The following GCNA variants were observed in gnomAD, a reference collection of about 807,000 sequenced individuals.
GCNA encodes the protein germ cell nuclear acidic peptidase.
Under a neutral mutation model 38.8 loss-of-function variants are expected in GCNA, and 3 were observed. The observed-to-expected ratio is 0.08, with a 90% confidence interval of 0.04 to 0.20. The LOEUF is 0.20. Ranked by LOEUF, GCNA falls within the 10% of genes least tolerant of loss-of-function variation. GCNA has a pLI of 1.00. For synonymous variants in GCNA, 195 were observed against 240.2 expected (o/e 0.81, Z 1.74); for missense variants, 446 against 578.6 (o/e 0.77, Z 2.35).
intron 7 of GCNA, among the ~76,000 whole-genome samples, chrX:71,599,521 G>A (rs2040697260): frequency 8.9e-6 from 1 of 112,149 alleles, no homozygotes; most frequent in Non-Finnish European, 1.9e-5. Context: ...TTCTTTTGAG[G>A]GTGAACTTTT....
In GCNA at chrX:71,580,899, T is replaced by C; in HGVS notation, c.59+19T>C. The C allele has an allele frequency of 4.2e-6, 5 of 1,181,580 alleles. No homozygotes were observed. The highest frequency in any genetic ancestry group is 5.7e-6 in the Non-Finnish European group (5 of 878,009). ...AGGATTGGTGAGATTTAGAAAGTTC[T>C]GTTTTCTTTTAGTTTAGTGTTACCG... On this transcript the variant is annotated intron_variant, in intron 2 of 12. Coordinates refer to ENST00000373696, the MANE Select transcript of GCNA (RefSeq NM_052957.5).
At chrX:71,595,061 T>A (rs1281466371) in intron 6 of GCNA, among the ~76,000 whole-genome samples, 2 of 110,720 alleles carry the variant, frequency 1.8e-5, no homozygotes, top group Non-Finnish European at 3.8e-5. Flanking sequence ...CTAAGCCCTT[T>A]TTGGTGTTTG....
chrX:71,578,741 CAT>C (rs1449124581), intron 1 of GCNA, among the ~76,000 whole-genome samples: 75 of 105,856 alleles, frequency 7.1e-4, no homozygotes, highest in Admixed American at 1.1e-3. Flanking sequence ...GTGTAGGAAA[CAT>C]ATGGTGGCGC....
intron 2 of GCNA, among the ~76,000 whole-genome samples, chrX:71,585,409 G>A (rs143091369): frequency 9.0e-6 from 1 of 111,393 alleles, no homozygotes; most frequent in East Asian, 2.8e-4. Flanking sequence ...AGGGTGGATC[G>A]TTAGTCTCAG....
At chrX:71,585,949 G>A (rs1443191370) in intron 2 of GCNA, among the ~76,000 whole-genome samples, 5 of 108,502 alleles carry the variant, frequency 4.6e-5, no homozygotes, top group African/African-American at 1.3e-4. Context: ...ATGGAACAAC[G>A]TGAAACAAAT....
At chrX:71,591,785 G>A (rs1391772279) in intron 2 of GCNA, among the ~76,000 whole-genome samples, 3 of 112,235 alleles carry the variant, frequency 2.7e-5, no homozygotes, top group African/African-American at 3.2e-5. Flanking sequence ...GATTACAGGC[G>A]TGAGCCTCCA....
At chrX:71,612,312 G>GA in intron 11 of GCNA, 43 bp from the exon 12 acceptor site, 4 of 628,997 alleles carry the variant, frequency 6.4e-6, no homozygotes, top group Admixed American at 4.5e-5. Flanking sequence ...AAAAAAAGAG[G>GA]ATTGGTTTTA....
chrX:71,611,033 T>C (rs1184489709), intron 11 of GCNA, among the ~76,000 whole-genome samples: 1 of 112,529 alleles, frequency 8.9e-6, no homozygotes, highest in African/African-American at 3.2e-5. Context: ...CCTGCCTTTC[T>C]CTCTGCATTT....
intron 1 of GCNA, among the ~76,000 whole-genome samples, chrX:71,579,203 T>C (rs2040526420): frequency 1.3e-5 from 1 of 75,172 alleles, no homozygotes; most frequent in African/African-American, 5.3e-5. Context: ...GCCCCAGTGG[T>C]GGTGTAGGAA....
intron 10 of GCNA, 54 bp downstream of exon 10, chrX:71,609,171 G>C: frequency 2.7e-6 from 3 of 1,095,821 alleles, no homozygotes; most frequent in South Asian, 2.0e-5. Flanking sequence ...CAGTACTCTT[G>C]GTGCTGTGAG....
At chrX:71,583,088 T>A (rs1399726068) in intron 2 of GCNA, among the ~76,000 whole-genome samples, 2 of 111,871 alleles carry the variant, frequency 1.8e-5, no homozygotes, top group African/African-American at 6.5e-5. Context: ...AAGTGAAAAA[T>A]GCAAGCTGCA....
intron 6 of GCNA, 42 bp from the exon 7 acceptor site, chrX:71,597,908 G>A (rs757389897): frequency 2.7e-5 from 28 of 1,031,367 alleles, no homozygotes; most frequent in Admixed American, 2.1e-4. Context: ...AGACTGTTGC[G>A]TTCATACTTC....
chrX:71,584,784 C>T (rs1380017312), intron 2 of GCNA, among the ~76,000 whole-genome samples: 1 of 110,634 alleles, frequency 9.0e-6, no homozygotes, highest in Non-Finnish European at 1.9e-5. Context: ...GGGAGAATGG[C>T]GTGAACCTGG....
At chrX:71,606,303 G>A (rs953542193) in intron 9 of GCNA, among the ~76,000 whole-genome samples, 3 of 112,069 alleles carry the variant, frequency 2.7e-5, no homozygotes, top group Non-Finnish European at 5.6e-5. Flanking sequence ...TAAATATTAG[G>A]ATGAAATGGA....
chrX:71,583,860 CCTAA>C (rs976744529), intron 2 of GCNA, among the ~76,000 whole-genome samples: 4 of 108,054 alleles, frequency 3.7e-5, no homozygotes, highest in African/African-American at 6.7e-5. Flanking sequence ...ACCACACCCG[CCTAA>C]CTTTTTTTTT....
chrX:71,601,340 AAAC>A (rs753574647), intron 7 of GCNA, among the ~76,000 whole-genome samples: 9 of 109,150 alleles, frequency 8.2e-5, no homozygotes, highest in East Asian at 2.9e-4. Flanking sequence ...ACTCCATCTC[AAAC>A]AACAACAACA....
intron 7 of GCNA, among the ~76,000 whole-genome samples, chrX:71,601,507 G>GTACCACAT (rs1351180974): frequency 9.0e-6 from 1 of 111,183 alleles, no homozygotes; most frequent in African/African-American, 3.3e-5. Context: ...TTGTGCATAT[G>GTACCACAT]TACCACATTT....
At chrX:71,595,262 AT>A (rs2040662552) in intron 6 of GCNA, among the ~76,000 whole-genome samples, 1 of 111,138 alleles carries the variant, frequency 9.0e-6, no homozygotes, top group Non-Finnish European at 1.9e-5. Context: ...TGCCCGGCTA[AT>A]TTTTGTGTTT....
At position 71,603,845 on chromosome X, in the gene GCNA, G is replaced by T; in HGVS notation, c.568G>T (p.Asp190Tyr). ...CAATAGTGATGATTCGGATGTTCCC[G>T]ACGACAACAGTGATGATTCATCCGA... ...DDNSDDSDVP[D>Y]DNSDDSSDDN... is the part of the protein sequence containing the mutation. Residue 190 changes from aspartate (D) to tyrosine (Y), a missense_variant, in exon 8 of 13, where the codon GAC (aspartate) becomes TAC (tyrosine). Physicochemically the swap from Asp to Tyr is radical, Grantham distance 160. Coordinates refer to ENST00000373696, the MANE Select transcript of GCNA (RefSeq NM_052957.5). 1.7e-6 allele frequency: 2 copies of T among 1,208,776 alleles called. No homozygotes were observed. The highest frequency in any genetic ancestry group is 2.2e-6 in the Non-Finnish European group (2 of 894,619).
Sources: gnomAD v4.1 joint callset for allele counts (sites outside exome capture counted in the v4.1 genomes callset) on GRCh38, gnomAD v4.1.1 for gene constraint, MANE v1.5 for transcripts, NCBI Gene and HGNC (gene_info 2026-07-23, HGNC 2026-07-21) for gene names.